Variants in SULT6B1 observed in about 807,000 individuals in gnomAD.
The protein encoded by SULT6B1 is sulfotransferase family 6B member 1, also known as sulfotransferase 6B1.
A neutral mutation model predicts 37.2 loss-of-function variants in SULT6B1; 44 were observed. The observed-to-expected ratio is 1.18, with a 90% CI of 0.93 to 1.52. The LOEUF (loss-of-function observed/expected upper bound fraction) is 1.52. Among genes scored for constraint, SULT6B1 ranks in the 40% most tolerant of loss-of-function variants. The pLI is 0.00. For missense variants in SULT6B1, 450 were observed against 361.0 expected (o/e 1.25, Z -2.00); for synonymous variants, 140 against 126.0 (o/e 1.11, Z -0.74).
Position 37,171,464 on chromosome 2 carries a change from CGT to C in SULT6B1, c.749_750del (p.His250ArgfsTer12), listed in dbSNP as rs765006500. The C allele has an allele frequency of 1.2e-6, 2 of 1,613,924 alleles. No individual in the cohort carries two copies. The highest frequency in any genetic ancestry group is 2.2e-5 in the South Asian group (2 of 91,000). On this transcript the variant is annotated frameshift_variant, in exon 6 of 7. Coordinates refer to ENST00000535679, the MANE Select transcript of SULT6B1 (RefSeq NM_001367551.1). LOFTEE classifies it high-confidence loss of function. ...CGGAAAAGGAATGGGCCGACAGCAC[CGT>C]GTGTGTCCTGAGACTTCGCACGCAT... The part of the protein sequence containing the change: ...QAMRAKSQDT[H>X]GAVGPFLFRK...
chr2:37,193,597 AAAGAAGAAGAAGAAG>A (rs70949740), upstream of SULT6B1, among the ~76,000 whole-genome samples: 891 of 113,854 alleles, frequency 7.8e-3, 7 homozygotes, highest in African/African-American at 0.02. Context: ...AGAAGAAGAA[AAAGAAGAAGAAGAAG>A]AAGAAGAAGA....
chr2:37,189,246 TA>T (rs1460621517), upstream of SULT6B1, among the ~76,000 whole-genome samples: 1 of 152,222 alleles, frequency 6.6e-6, no homozygotes, highest in Non-Finnish European at 1.5e-5. Flanking sequence ...AAAGTTTATG[TA>T]AAATTGTTAA....
chr2:37,173,157 C>T (rs986631757), intron 5 of SULT6B1, among the ~76,000 whole-genome samples: 4 of 152,132 alleles, frequency 2.6e-5, no homozygotes, highest in African/African-American at 4.8e-5. Flanking sequence ...CTGGCCTAAA[C>T]CACACTTTCT....
chr2:37,179,105 C>T (rs997262375), intron 4 of SULT6B1, among the ~76,000 whole-genome samples: 3 of 152,124 alleles, frequency 2.0e-5, no homozygotes, highest in East Asian at 1.9e-4. Context: ...ACTACAGGTG[C>T]GTGCCACCAC....
intron 1 of SULT6B1, among the ~76,000 whole-genome samples, chr2:37,193,679 G>C (rs1238924149): frequency 6.6e-6 from 1 of 150,454 alleles, no homozygotes; most frequent in Non-Finnish European, 1.5e-5. Flanking sequence ...GGAGAAGAAG[G>C]AGAAAATATG....
upstream of SULT6B1, chr2:37,188,771 C>T (rs1676726919): frequency 2.0e-6 from 1 of 496,468 alleles, no homozygotes; most frequent in African/African-American, 1.9e-5. Context: ...AATTCTCATC[C>T]ACCCCTCCCT....
chr2:37,171,536 C>T lies in SULT6B1; in HGVS notation c.679G>A (p.Gly227Arg), dbSNP rs1676299774. 6.2e-7 allele frequency: 1 copy of T among 1,613,986 alleles called. No individual in the cohort carries two copies. The highest frequency in any genetic ancestry group is 8.5e-7 in the Non-Finnish European group (1 of 1,180,016). Residue 227 changes from glycine to arginine, a missense_variant, in exon 6 of 7, where the codon GGG becomes AGG. Physicochemically the swap from Gly to Arg is moderately radical, Grantham distance 125 (BLOSUM62 -2). Transcript: ENST00000535679. ...ACTGAGATAGTTTGAATTTGCTCCC[C>T]AGTTAGAAAGAATCCCAAGAACTCA... ...IAEFLGFFLT[G>R]EQIQTISVQS...
upstream of SULT6B1, among the ~76,000 whole-genome samples, chr2:37,193,001 T>C (rs993599786): frequency 2.6e-5 from 4 of 152,190 alleles, no homozygotes; most frequent in Non-Finnish European, 4.4e-5. Flanking sequence ...TGAACTGTCA[T>C]ACGTATGAGT....
At chr2:37,181,561 G>C (rs566419112) in intron 3 of SULT6B1, among the ~76,000 whole-genome samples, 1 of 151,620 alleles carries the variant, frequency 6.6e-6, no homozygotes, top group Admixed American at 6.6e-5. Flanking sequence ...TGTATTTTTT[G>C]TAGAGACAGG....
At chr2:37,169,237 C>T (rs777554986) in intron 6 of SULT6B1, among the ~76,000 whole-genome samples, 9 of 152,030 alleles carry the variant, frequency 5.9e-5, no homozygotes, top group Non-Finnish European at 1.3e-4. Context: ...TTAAACAAGC[C>T]ATAAAAATGG....
intron 5 of SULT6B1, among the ~76,000 whole-genome samples, chr2:37,173,825 A>G (rs1676356711): frequency 6.6e-6 from 1 of 152,172 alleles, no homozygotes; most frequent in Admixed American, 6.5e-5. Flanking sequence ...GGACTATTGC[A>G]GTGCCCTCTT....
chr2:37,169,035 C>A (rs1418666561), intron 6 of SULT6B1, among the ~76,000 whole-genome samples: 1 of 152,164 alleles, frequency 6.6e-6, no homozygotes, highest in Non-Finnish European at 1.5e-5. Context: ...GAAAGTTAAA[C>A]CTACCTCTGG....
chr2:37,168,070 A>G lies in SULT6B1; in HGVS notation c.782-5T>C. 1 of 1,578,380 alleles carries G rather than the reference A, an allele frequency of 6.3e-7. No individual in the cohort carries two copies. The highest frequency in any genetic ancestry group is 8.5e-7 in the Non-Finnish European group (1 of 1,169,840). On this transcript the variant is annotated splice_region_variant and splice_polypyrimidine_tract_variant and intron_variant, in intron 6 of 6. Coordinates refer to ENST00000535679, the MANE Select transcript of SULT6B1 (RefSeq NM_001367551.1). ...TTTTCCAATCACCAACTTCACCTAC[A>G]ACACACAAAAAACAGTAGACCCAGA...
At chr2:37,177,411 C>CAAAAAAAAAAA in intron 4 of SULT6B1, among the ~76,000 whole-genome samples, 1 of 76,294 alleles carries the variant, frequency 1.3e-5, no homozygotes, top group Non-Finnish European at 2.4e-5. Flanking sequence ...AATCTTGTCT[C>CAAAAAAAAAAA]AAAAAAAAAA....
intron 4 of SULT6B1, among the ~76,000 whole-genome samples, chr2:37,177,615 G>T (rs56911777): frequency 3.3e-5 from 5 of 152,044 alleles, no homozygotes; most frequent in Admixed American, 1.3e-4. Flanking sequence ...TCAGTTATGA[G>T]CATCTTGAGA....
intron 2 of SULT6B1, among the ~76,000 whole-genome samples, chr2:37,185,823 C>T (rs1676661819): frequency 6.6e-6 from 1 of 151,404 alleles, no homozygotes; most frequent in African/African-American, 2.4e-5. Flanking sequence ...AAAGGTTATG[C>T]AAAGGCCTGG....
At chr2:37,171,805 A>G (rs1051305957) in intron 5 of SULT6B1, among the ~76,000 whole-genome samples, 2 of 151,968 alleles carry the variant, frequency 1.3e-5, no homozygotes, top group Non-Finnish European at 2.9e-5. Flanking sequence ...TCAATTTATG[A>G]CTCTTGTTGA....
At chr2:37,178,406 T>C (rs1250991334) in intron 4 of SULT6B1, among the ~76,000 whole-genome samples, 3 of 152,080 alleles carry the variant, frequency 2.0e-5, no homozygotes, top group African/African-American at 7.3e-5. Flanking sequence ...TGGCTAATTT[T>C]TGTGTTTTTA....
intron 6 of SULT6B1, among the ~76,000 whole-genome samples, chr2:37,170,120 A>T (rs989331965): frequency 6.6e-6 from 1 of 152,198 alleles, no homozygotes; most frequent in Non-Finnish European, 1.5e-5. Flanking sequence ...TGCCTGGCTT[A>T]AAAAAGTCAC....
Sources: gnomAD v4.1 joint callset for allele counts (sites outside exome capture counted in the v4.1 genomes callset) on GRCh38, gnomAD v4.1.1 for gene constraint, MANE v1.5 for transcripts, NCBI Gene and HGNC (gene_info 2026-07-23, HGNC 2026-07-21) for gene names.